Variants in EHD3 observed in about 807,000 individuals in gnomAD.
The protein encoded by EHD3 is EH domain containing 3, also known as EH domain-containing protein 3.
A neutral mutation model predicts 43.0 loss-of-function variants in EHD3; 17 were observed. The observed-to-expected ratio is 0.40, with a 90% CI of 0.27 to 0.59. EHD3 has a LOEUF of 0.59. Among genes scored for constraint, EHD3 ranks in the 20% least tolerant of loss-of-function variants. EHD3 has a pLI of 0.49. For missense variants in EHD3, 594 were observed against 705.6 expected (o/e 0.84, Z 1.79); for synonymous variants, 313 against 289.5 (o/e 1.08, Z -0.82).
At chr2:31,264,737 G>A (rs890941995) in intron 5 of EHD3, among the ~76,000 whole-genome samples, 3 of 151,528 alleles carry the variant, frequency 2.0e-5, no homozygotes, top group African/African-American at 4.9e-5. Context: ...TTTTCACCAT[G>A]TTGGCCAGGA....
chr2:31,242,749 G>A (rs1175881711), intron 1 of EHD3, among the ~76,000 whole-genome samples: 5 of 151,684 alleles, frequency 3.3e-5, no homozygotes, highest in African/African-American at 9.7e-5. Flanking sequence ...ACCTGAGGTC[G>A]GGAGTTCGAG....
rs200504962 is a variant in EHD3 at position 31,266,514 on chromosome 2, G to T, written c.1418G>T (p.Arg473Leu). ...TGANAKKEMV[R>L]SKLPNSVLGK... is the part of the protein sequence containing the mutation. ...GCTAATGCCAAGAAGGAGATGGTGC[G>T]CTCCAAGCTGCCCAACAGTGTGCTG... The change falls in exon 6 of 6, where the codon CGC becomes CTC. Residue 473 changes from arginine (R) to leucine (L), a missense_variant. Physicochemically the swap from Arg to Leu is moderately radical, Grantham distance 102 (BLOSUM62 -2). Coordinates refer to ENST00000322054, the MANE Select transcript of EHD3 (RefSeq NM_014600.3). This position sits in a 1 kb window ranked among gnomAD's most constrained non-coding sequence, Gnocchi z 5.1. 1.9e-6 allele frequency: 3 copies of T among 1,614,120 alleles called. No homozygotes were observed. The highest frequency in any genetic ancestry group is 1.1e-5 in the South Asian group (1 of 91,078).
Position 31,266,830 on chromosome 2 carries a change from C to A in EHD3, c.*126C>A, listed in dbSNP as rs553843907. ...CACACATATGCATATCTTGACATTG[C>A]TCTGTAGGTGAGAGAGGACCATGAC... is the stretch of plus-strand genomic sequence containing the variant. On this transcript the variant is annotated 3_prime_UTR_variant, in exon 6 of 6. Coordinates refer to ENST00000322054, the MANE Select transcript of EHD3 (RefSeq NM_014600.3). This position sits in a 1 kb window ranked among gnomAD's most constrained non-coding sequence, Gnocchi z 5.1. The A allele has an allele frequency of 2.4e-6, 3 of 1,245,104 alleles. No homozygotes were observed. Among genetic ancestry groups the A allele is most frequent in the Non-Finnish European group, 3.3e-6 (3 of 921,896 alleles). 77.1% of individuals were successfully genotyped at this position (1,245,104 alleles called of 1,614,324 possible).
At chr2:31,250,894 G>A (rs1158081049) in intron 3 of EHD3, among the ~76,000 whole-genome samples, 1 of 152,216 alleles carries the variant, frequency 6.6e-6, no homozygotes, top group Non-Finnish European at 1.5e-5. Flanking sequence ...GTGACTGTCT[G>A]CATGTGCCTT....
At chr2:31,242,783 AC>A (rs1196293245) in intron 1 of EHD3, among the ~76,000 whole-genome samples, 1 of 151,468 alleles carries the variant, frequency 6.6e-6, no homozygotes, top group African/African-American at 2.4e-5. Flanking sequence ...ACATGGTGAA[AC>A]CCCGTATCTA....
At chr2:31,248,196 C>G (rs944566911) in intron 2 of EHD3, among the ~76,000 whole-genome samples, 6 of 152,168 alleles carry the variant, frequency 3.9e-5, no homozygotes, top group Non-Finnish European at 7.3e-5. Flanking sequence ...TATTTCACAC[C>G]CCTTGTCTGC....
Position 31,267,849 on chromosome 2 carries a change from GC to G in EHD3, c.*1148del, listed in dbSNP as rs1437784103. 1.3e-5 allele frequency: 2 copies of G among 152,240 alleles called. No homozygotes were observed. The highest frequency in any genetic ancestry group is 1.5e-5 in the Non-Finnish European group (1 of 68,066). 9.4% of individuals were successfully genotyped at this position (152,240 alleles called of 1,614,324 possible). A position where few individuals can be genotyped will look rare whatever the true frequency, so the allele number is the denominator to read the frequency against. On this transcript the variant is annotated 3_prime_UTR_variant, in exon 6 of 6. Coordinates refer to ENST00000322054, the MANE Select transcript of EHD3 (RefSeq NM_014600.3). ...GAGGAGGGCCGGCCAGCATTTGGTG[GC>G]CCATCAGTCTGGCCATCTGTCACGT...
chr2:31,254,469 T>A (rs1055236318), intron 3 of EHD3, among the ~76,000 whole-genome samples: 3 of 152,260 alleles, frequency 2.0e-5, no homozygotes, highest in Non-Finnish European at 4.4e-5. Context: ...TCAAAAGGCC[T>A]TGCCAACCAT....
chr2:31,261,333 C>A (rs1369881107), intron 4 of EHD3, among the ~76,000 whole-genome samples: 1 of 152,188 alleles, frequency 6.6e-6, no homozygotes, highest in Non-Finnish European at 1.5e-5. Flanking sequence ...TTGACCATAG[C>A]TCCCCACAAC....
chr2:31,256,187 C>T (rs1328526857), intron 3 of EHD3, among the ~76,000 whole-genome samples: 1 of 152,200 alleles, frequency 6.6e-6, no homozygotes, highest in Non-Finnish European at 1.5e-5. Context: ...CCTCTGGTGA[C>T]TCCTACAGAG....
chr2:31,257,614 G>A (rs889466034), intron 3 of EHD3, among the ~76,000 whole-genome samples: 8 of 152,304 alleles, frequency 5.3e-5, no homozygotes, highest in African/African-American at 1.9e-4. Context: ...GCCTCAGAGC[G>A]TGTCGTGAGG....
At chr2:31,236,205 C>T (rs1683321182) in intron 1 of EHD3, among the ~76,000 whole-genome samples, 1 of 152,196 alleles carries the variant, frequency 6.6e-6, no homozygotes, top group Non-Finnish European at 1.5e-5. Context: ...CACAACACCA[C>T]ATTGAGTTTG....
chr2:31,249,903 G>A (rs578221262), intron 3 of EHD3, among the ~76,000 whole-genome samples: 2 of 152,248 alleles, frequency 1.3e-5, no homozygotes, highest in South Asian at 4.1e-4. Flanking sequence ...AGGGAACCAG[G>A]TAGTGAAAGC....
At chr2:31,258,983 A>G (rs1683800510) in intron 3 of EHD3, among the ~76,000 whole-genome samples, 1 of 152,188 alleles carries the variant, frequency 6.6e-6, no homozygotes, top group Non-Finnish European at 1.5e-5. Context: ...ACTCACTCAC[A>G]AGGCAGTTGC....
intron 1 of EHD3, among the ~76,000 whole-genome samples, chr2:31,242,431 CAT>C (rs757768335): frequency 2.0e-5 from 3 of 152,230 alleles, no homozygotes; most frequent in Non-Finnish European, 1.5e-5. Flanking sequence ...CATTTAAAAA[CAT>C]AGCACAATTA....
chr2:31,242,293 G>C (rs1433354989), intron 1 of EHD3, among the ~76,000 whole-genome samples: 1 of 152,198 alleles, frequency 6.6e-6, no homozygotes, highest in East Asian at 1.9e-4. Flanking sequence ...CATCCTTCAT[G>C]GTTACAAAGC....
Position 31,234,680 on chromosome 2 carries a change from C to T in EHD3, c.59C>T (p.Thr20Met). 4 of 1,614,220 alleles carry T rather than the reference C, an allele frequency of 2.5e-6. No individual in the cohort carries two copies. The highest frequency in any genetic ancestry group is 3.4e-6 in the Non-Finnish European group (4 of 1,180,028). The change falls in exon 1 of 6, where the codon ACG becomes ATG. Residue 20 changes from threonine to methionine, a missense_variant. Physicochemically the swap from Thr to Met is moderately conservative, Grantham distance 81. Transcript: ENST00000322054. ...RRRKDPEVFQTVSEGLKKLYK... is the reference protein window; with the variant it reads ...RRRKDPEVFQMVSEGLKKLYK... Reference sequence around the variant, plus strand: ...AGGAAGGACCCCGAGGTTTTCCAGACGGTGAGTGAGGGGCTCAAGAAACTC... The same window carrying T: ...AGGAAGGACCCCGAGGTTTTCCAGATGGTGAGTGAGGGGCTCAAGAAACTC...
intron 1 of EHD3, among the ~76,000 whole-genome samples, chr2:31,243,460 C>CTTTCTTTTTTTT (rs1553402472): frequency 1.3e-4 from 13 of 98,480 alleles, no homozygotes; most frequent in African/African-American, 3.7e-4. Flanking sequence ...TTCTTTCTTT[C>CTTTCTTTTTTTT]TTTTTTTTTT....
At chr2:31,249,538 C>T (rs1683594067) in intron 3 of EHD3, 70 bp downstream of exon 3, 2 of 1,408,336 alleles carry the variant, frequency 1.4e-6, no homozygotes, top group African/African-American at 1.4e-5. Flanking sequence ...TCTTACATAC[C>T]AGAAGAGAAG....
Sources: allele counts gnomAD v4.1 joint callset (sites outside exome capture counted in the v4.1 genomes callset), GRCh38; gene constraint gnomAD v4.1.1; non-coding constraint Gnocchi (gnomAD v3.1); transcripts MANE v1.5; gene names NCBI Gene and HGNC (gene_info 2026-07-23, HGNC 2026-07-21).